The following FRMPD4 variants were observed in gnomAD, a reference collection of about 807,000 sequenced individuals.
FRMPD4 encodes the protein FERM and PDZ domain-containing protein 4.
In FRMPD4, 22 loss-of-function variants were observed where a neutral mutation model predicts 94.1. The ratio of observed to expected loss-of-function variants is 0.23; its 90% CI spans 0.17 to 0.33. The LOEUF is 0.33. Ranked by LOEUF, FRMPD4 falls within the 10% of genes least tolerant of loss-of-function variation. FRMPD4 has a pLI of 1.00. For synonymous variants in FRMPD4, 631 were observed against 548.6 expected, an observed-to-expected ratio of 1.15 and a Z score of -2.10; for missense variants, 1,111 against 1,339.9, an observed-to-expected ratio of 0.83 and a Z score of 2.67.
intron 1 of FRMPD4, among the ~76,000 whole-genome samples, chrX:11,852,366 T>C (rs2053628265): frequency 9.6e-6 from 1 of 103,950 alleles, no homozygotes; most frequent in African/African-American, 3.6e-5. Flanking sequence ...TGCCTGAGCC[T>C]TGGAGCTGGA....
intron 4 of FRMPD4, among the ~76,000 whole-genome samples, chrX:12,663,640 C>A (rs1389928658): frequency 2.7e-5 from 3 of 111,848 alleles, no homozygotes; most frequent in Non-Finnish European, 3.8e-5. Flanking sequence ...TAGCATGACG[C>A]CTCCAGCTTT....
intron 1 of FRMPD4, among the ~76,000 whole-genome samples, chrX:11,851,105 A>G (rs2053619312): frequency 8.9e-6 from 1 of 111,913 alleles, no homozygotes; most frequent in Admixed American, 9.5e-5. Context: ...GGTGGGGTGG[A>G]AAGGTGCTAG....
At chrX:12,045,859 A>T (rs1201841343) in intron 3 of FRMPD4, among the ~76,000 whole-genome samples, 1 of 111,768 alleles carries the variant, frequency 8.9e-6, no homozygotes, top group Non-Finnish European at 1.9e-5. Context: ...AGTAAAATAA[A>T]TTAATGAGCT....
chrX:12,498,054 G>A (rs1397452957), intron 1 of FRMPD4, among the ~76,000 whole-genome samples: 3 of 110,970 alleles, frequency 2.7e-5, no homozygotes, highest in South Asian at 7.8e-4. Context: ...AAGGGCTCAC[G>A]GGTAGCTGAG....
exon 2 of FRMPD4, among the ~76,000 whole-genome samples, chrX:11,865,204 T>C (rs2053711541): frequency 8.9e-6 from 1 of 112,064 alleles, no homozygotes; most frequent in Non-Finnish European, 1.9e-5. Flanking sequence ...ATCATCATCT[T>C]TGAAATATAC....
chrX:12,653,768 TTTG>T (rs199745006), intron 4 of FRMPD4, among the ~76,000 whole-genome samples: 1,122 of 111,512 alleles, frequency 0.01, 15 homozygotes, highest in African/African-American at 0.034. Context: ...CTAATTTTTG[TTTG>T]TTTGTTTGTT....
intron 3 of FRMPD4, among the ~76,000 whole-genome samples, chrX:12,027,571 T>G (rs1048499186): frequency 5.4e-5 from 6 of 110,993 alleles, no homozygotes; most frequent in African/African-American, 2.0e-4. Flanking sequence ...GAAAATAAAT[T>G]TGCTGAGGTA....
intron 1 of FRMPD4, among the ~76,000 whole-genome samples, chrX:12,368,993 T>C (rs1393918691): frequency 9.0e-6 from 1 of 111,446 alleles, no homozygotes; most frequent in South Asian, 3.8e-4. Flanking sequence ...TTTCTGCCTG[T>C]CCTCCTTTCC....
chrX:12,140,979 G>T (rs1378896509), intron 1 of FRMPD4, among the ~76,000 whole-genome samples: 1 of 111,964 alleles, frequency 8.9e-6, no homozygotes, highest in Non-Finnish European at 1.9e-5. Flanking sequence ...TCCATCCATA[G>T]AATTCTTCTT....
At chrX:12,222,545 GATGAGTTTT>G (rs759418314) in intron 1 of FRMPD4, among the ~76,000 whole-genome samples, 1 of 111,960 alleles carries the variant, frequency 8.9e-6, no homozygotes, top group Admixed American at 9.5e-5. Context: ...TGCAGAGTTT[GATGAGTTTT>G]AGTCAATTTG....
Position 11,960,240 on chromosome X carries a change from A to G in FRMPD4, c.95+82222A>G, listed in dbSNP as rs145035548. Among the ~76,000 whole-genome samples, 784 of 111,825 alleles carry G rather than the reference A, an allele frequency of 7.0e-3. 8 individuals carry two copies. Among genetic ancestry groups the G allele is most frequent in the African/African-American group, 0.024 (734 of 30,733 alleles). On this transcript the variant is annotated intron_variant, in intron 3 of 18. Coordinates refer to the FRMPD4 transcript ENST00000640291. ...GCTCCTCCCTCCAGATTTCCTTTCC[A>G]GCTTGTGTGTATGTGTGTTGCCAAG...
intron 3 of FRMPD4, among the ~76,000 whole-genome samples, chrX:12,005,573 T>C (rs1377544795): frequency 2.8e-5 from 3 of 108,223 alleles, no homozygotes. Flanking sequence ...AGAACCATTC[T>C]GTAGAATTTT....
chrX:12,231,002 A>AATATATAGTATATATAGTAT (rs1183426371), intron 1 of FRMPD4, among the ~76,000 whole-genome samples: 2 of 50,770 alleles, frequency 3.9e-5, no homozygotes, highest in Non-Finnish European at 7.3e-5. Context: ...TAGTATATAT[A>AATATATAGTATATATAGTAT]ATATATAGTA....
intron 1 of FRMPD4, among the ~76,000 whole-genome samples, chrX:12,244,617 G>A (rs2053928020): frequency 8.9e-6 from 1 of 112,008 alleles, no homozygotes; most frequent in African/African-American, 3.2e-5. Context: ...AAATAGTGTA[G>A]CCTGTAAAGT....
rs771686552 is a variant in FRMPD4, at chrX:12,719,994, AGAAAG to A, written c.3965-484_3965-480del. Among the ~76,000 whole-genome samples, 421 of 81,926 alleles carry A rather than the reference AGAAAG, an allele frequency of 5.1e-3. 2 individuals are homozygous for A. The highest frequency in any genetic ancestry group is 0.027 in the Middle Eastern group (4 of 150). 71.1% of individuals were successfully genotyped at this position (81,926 alleles called of 115,157 possible). A position where few individuals can be genotyped will look rare whatever the true frequency, so the allele number is the denominator to read the frequency against. On this transcript the variant is annotated intron_variant, in intron 16 of 16. Transcript: ENST00000675598. Reference sequence around the variant, plus strand: ...CACTTCTTTAAAAGAAAGAAAGGAAAGAAAGGAAAGGAAAGGAAAGGAAAGGAAAG... The same window carrying A: ...CACTTCTTTAAAAGAAAGAAAGGAAAGAAAGGAAAGGAAAGGAAAGGAAAG...
Position 12,678,458 on chromosome X carries a change from C to A in FRMPD4, c.468+3550C>A, listed in dbSNP as rs371679441. Reference sequence around the variant, plus strand: ...TCATTGGCCAGCTCCTTCCTTTTTTCCTTTGACTCTGCTTTCTACAGTTTC... The same window carrying A: ...TCATTGGCCAGCTCCTTCCTTTTTTACTTTGACTCTGCTTTCTACAGTTTC... On this transcript the variant is annotated intron_variant, in intron 5 of 16. Coordinates refer to ENST00000675598, the MANE Select transcript of FRMPD4 (RefSeq NM_001368397.1). Among the ~76,000 whole-genome samples the A allele has an allele frequency of 8.9e-5, 10 of 111,807 alleles. No homozygotes were observed. The East Asian group carries it at 2.5e-3, about 28-fold the overall frequency.
At chrX:11,838,284 G>A (rs760079033) in intron 1 of FRMPD4, among the ~76,000 whole-genome samples, 3 of 110,735 alleles carry the variant, frequency 2.7e-5, no homozygotes, top group East Asian at 5.7e-4. Flanking sequence ...TATATACTTC[G>A]GTTCAGTACA....
upstream of FRMPD4, among the ~76,000 whole-genome samples, chrX:12,136,923 ACAT>A (rs2055604962): frequency 9.3e-6 from 1 of 108,003 alleles, no homozygotes; most frequent in African/African-American, 3.3e-5. Context: ...ACACACACAC[ACAT>A]ACACACACAC....
intron 3 of FRMPD4, among the ~76,000 whole-genome samples, chrX:11,921,021 A>G (rs1439399832): frequency 1.8e-5 from 2 of 112,003 alleles, no homozygotes; most frequent in Non-Finnish European, 3.8e-5. Context: ...AAATGGTTTA[A>G]TTGCCCCCAA....
Sources: allele counts gnomAD v4.1 joint callset (sites outside exome capture counted in the v4.1 genomes callset), GRCh38; gene constraint gnomAD v4.1.1; transcripts MANE v1.5; gene names NCBI Gene and HGNC (gene_info 2026-07-23, HGNC 2026-07-21).